Variants in GALNT9 observed in about 807,000 individuals in gnomAD.
GALNT9 encodes polypeptide N-acetylgalactosaminyltransferase 9, also known as GalNAc transferase 9.
Under a neutral mutation model 63.1 loss-of-function variants are expected in GALNT9, and 47 were observed. The ratio of observed to expected loss-of-function variants is 0.75; its 90% confidence interval spans 0.59 to 0.95. The LOEUF is 0.95. Ranked by LOEUF, GALNT9 falls within the 40% of genes least tolerant of loss-of-function variation. The probability of loss-of-function intolerance (pLI) is 0.00; values close to 1 mark genes in which losing one functional copy is unlikely to be tolerated. For missense variants in GALNT9, 829 were observed against 874.8 expected (o/e 0.95, Z 0.66); for synonymous variants, 396 against 365.7 (o/e 1.08, Z -0.94).
chr12:132,286,768 C>T lies in GALNT9; in HGVS notation c.239-338G>A, dbSNP rs1880611248. Reference sequence around the variant, plus strand: ...TTGCTCTGTCACCCAGGCTGCAGTGCAGTGGCATGATCTCAGCTCACTGCA... The same window carrying T: ...TTGCTCTGTCACCCAGGCTGCAGTGTAGTGGCATGATCTCAGCTCACTGCA... On this transcript the variant is annotated intron_variant, in intron 1 of 10. Coordinates refer to ENST00000328957, the MANE Select transcript of GALNT9 (RefSeq NM_001122636.2). The surrounding 1 kb of genome is among the most constrained non-coding windows in gnomAD (Gnocchi z 7.4). Among the ~76,000 whole-genome samples the T allele has an allele frequency of 6.6e-6, 1 of 152,136 alleles. No individual in the cohort carries two copies. The highest frequency in any genetic ancestry group is 2.4e-5 in the African/African-American group (1 of 41,436).
chr12:132,295,459 T>A (rs1375833180), intron 1 of GALNT9, among the ~76,000 whole-genome samples: 1 of 151,884 alleles, frequency 6.6e-6, no homozygotes, highest in African/African-American at 2.4e-5. Flanking sequence ...CGGTCTTCGC[T>A]GACGTCATCA....
intron 6 of GALNT9, among the ~76,000 whole-genome samples, chr12:132,225,827 C>A (rs1195607039): frequency 1.4e-5 from 2 of 141,902 alleles, no homozygotes; most frequent in East Asian, 2.2e-4. Context: ...TGCATACCCT[C>A]ACACACACCA....
intron 8 of GALNT9, chr12:132,200,650 G>A (rs993048349): frequency 6.4e-5 from 10 of 155,544 alleles, no homozygotes; most frequent in South Asian, 2.0e-4. Flanking sequence ...ATGTATACTC[G>A]TGTCCGCGTG....
intron 1 of GALNT9, among the ~76,000 whole-genome samples, chr12:132,317,592 G>A (rs1040334361): frequency 1.1e-4 from 16 of 152,378 alleles, no homozygotes; most frequent in Admixed American, 3.3e-4. Flanking sequence ...ATCCATAAAC[G>A]TGTAAATACA....
At chr12:132,260,538 C>T (rs1879336540) in intron 4 of GALNT9, among the ~76,000 whole-genome samples, 1 of 152,228 alleles carries the variant, frequency 6.6e-6, no homozygotes, top group Non-Finnish European at 1.5e-5. Context: ...AGAGGCCGGA[C>T]TTCTGCACCT....
intron 6 of GALNT9, among the ~76,000 whole-genome samples, chr12:132,228,327 TG>T (rs1190412394): frequency 2.7e-5 from 4 of 150,394 alleles, no homozygotes; most frequent in Non-Finnish European, 5.9e-5. Context: ...TGAGTGTGGG[TG>T]GCGGGGCGGC....
At chr12:132,298,194 C>G (rs1881145720) in intron 1 of GALNT9, among the ~76,000 whole-genome samples, 3 of 151,880 alleles carry the variant, frequency 2.0e-5, no homozygotes, top group South Asian at 4.2e-4. Context: ...AACTCGTTCC[C>G]AAGGAAACCC....
At chr12:132,266,129 C>A (rs182135413) in intron 2 of GALNT9, among the ~76,000 whole-genome samples, 1 of 149,222 alleles carries the variant, frequency 6.7e-6, no homozygotes, top group African/African-American at 2.6e-5. Context: ...CACAGCCAAC[C>A]GCGGGCCTGT....
intron 6 of GALNT9, among the ~76,000 whole-genome samples, chr12:132,207,258 G>A (rs79941323): frequency 0.032 from 4,923 of 152,200 alleles, 252 homozygotes; most frequent in African/African-American, 0.11. Flanking sequence ...GCTCAGCTCC[G>A]CAGGACAGGG....
At chr12:132,312,709 C>T (rs374327942) in intron 1 of GALNT9, among the ~76,000 whole-genome samples, 61 of 152,330 alleles carry the variant, frequency 4.0e-4, no homozygotes, top group African/African-American at 1.4e-3. Flanking sequence ...TGGCCCTGCC[C>T]TTGCTGAAGC....
rs541973743 is a variant in GALNT9, at chr12:132,211,442, C to T, written c.1078-7752G>A. On this transcript the variant is annotated intron_variant, in intron 6 of 10. Transcript: ENST00000328957. ...TAATTACTTTTGCACCGACCTAGTA[C>T]GAGAAAACACCTCAGACGCTGTCAC... Among the ~76,000 whole-genome samples, 29 of 152,266 alleles carry T rather than the reference C, an allele frequency of 1.9e-4. No individual in the cohort carries two copies. The East Asian group carries it at 3.1e-3, about 16-fold the overall frequency.
chr12:132,269,106 G>A (rs1051688570), intron 2 of GALNT9, among the ~76,000 whole-genome samples: 1 of 152,352 alleles, frequency 6.6e-6, no homozygotes, highest in African/African-American at 2.4e-5. Flanking sequence ...CCTGAGCCCT[G>A]GAACCCCAAC....
At chr12:132,302,112 T>A (rs1230105191) in intron 1 of GALNT9, among the ~76,000 whole-genome samples, 1 of 152,212 alleles carries the variant, frequency 6.6e-6, no homozygotes, top group African/African-American at 2.4e-5. Context: ...CAAGTCATTT[T>A]CCAGAAGGTT....
In GALNT9 at chr12:132,197,005, GC is replaced by G. The variant is rs1335460182; in HGVS notation, c.*101del. On this transcript the variant is annotated 3_prime_UTR_variant, in exon 11 of 11. Transcript: ENST00000328957. ...CTCTGCTGTCCTGGCCGCACATAGA[GC>G]CCTGTCCTGCTGTGTCTGCCGGGCA... The G allele has an allele frequency of 4.5e-6, 7 of 1,553,426 alleles. No homozygotes were observed. The Admixed American group carries it at 1.3e-4, about 28-fold the overall frequency.
chr12:132,241,001 G>A (rs1161720929), intron 6 of GALNT9, among the ~76,000 whole-genome samples: 39 of 118,766 alleles, frequency 3.3e-4, no homozygotes, highest in African/African-American at 7.5e-4. Context: ...CCTTCCCGGG[G>A]CCCTCCCTAT....
At position 132,199,186 on chromosome 12, in the gene GALNT9, C is replaced by A. The variant is rs767185601; in HGVS notation, c.1485G>T (p.Gly495=). The change falls in exon 9 of 11, where the codon GGG becomes GGT. Residue 495 remains glycine (G), a synonymous_variant. Transcript: ENST00000328957. ...GDRAILYPCH[G]MSSQLVRYSA... is the part of the protein sequence containing the mutation. ...CTGCTACTCCTACCTGGGAGGACAT[C>A]CCGTGGCAGGGGTAGAGGATCGCCC... is the stretch of plus-strand genomic sequence containing the variant. The A allele has an allele frequency of 2.5e-6, 4 of 1,600,034 alleles. No individual in the cohort carries two copies. The highest frequency in any genetic ancestry group is 3.4e-6 in the Non-Finnish European group (4 of 1,176,186).
chr12:132,274,453 A>AC (rs1427446075), intron 2 of GALNT9: 9 of 143,404 alleles, frequency 6.3e-5, no homozygotes, highest in Admixed American at 5.6e-4. Context: ...TCCCACCCCC[A>AC]CCCCCGGCTT....
rs1869197463 is a variant in GALNT9, at chr12:132,329,357, G to T, written c.-154C>A. The T allele has an allele frequency of 8.4e-7, 1 of 1,185,052 alleles. No individual in the cohort carries two copies. The allele number at this position is 1,185,052 out of a possible 1,614,324, so 73.4% of individuals were successfully genotyped here. ...GCTGTCCCTTCAGCACCAGCTCAGC[G>T]CGCCGGGCCACGGCCGCCGGGGGTC... On this transcript the variant is annotated 5_prime_UTR_variant, in exon 1 of 11. Transcript: ENST00000328957.
chr12:132,230,892 C>A (rs1445195479), intron 6 of GALNT9, among the ~76,000 whole-genome samples: 1 of 152,238 alleles, frequency 6.6e-6, no homozygotes, highest in Non-Finnish European at 1.5e-5. Flanking sequence ...AACCTCCATT[C>A]GGGACGTCTT....
Sources: allele counts gnomAD v4.1 joint callset (sites outside exome capture counted in the v4.1 genomes callset), GRCh38; gene constraint gnomAD v4.1.1; non-coding constraint Gnocchi (gnomAD v3.1); transcripts MANE v1.5; gene names NCBI Gene and HGNC (gene_info 2026-07-23, HGNC 2026-07-21).